Variants in GPD2 observed in about 807,000 individuals in gnomAD.
GPD2 encodes glycerol-3-phosphate dehydrogenase, mitochondrial.
GPD2 carries 54 observed loss-of-function variants against 82.4 expected under a neutral mutation model. The observed-to-expected ratio is 0.66, with a 90% CI of 0.53 to 0.82. The LOEUF is 0.82. Among genes scored for constraint, GPD2 ranks in the 40% least tolerant of loss-of-function variants. The pLI, the probability that GPD2 is intolerant of heterozygous loss-of-function variation, is 0.00. For synonymous variants in GPD2, 288 were observed against 306.1 expected, an observed-to-expected ratio of 0.94 and a Z score of 0.62; for missense variants, 748 against 896.2, an observed-to-expected ratio of 0.83 and a Z score of 2.11.
At chr2:156,491,145 T>G (rs1684161012) in intron 2 of GPD2, among the ~76,000 whole-genome samples, 1 of 152,212 alleles carries the variant, frequency 6.6e-6, no homozygotes, top group South Asian at 2.1e-4. Flanking sequence ...TGATCTGTTT[T>G]CAGATTCTGT....
chr2:156,445,061 T>C (rs1037619717), intron 1 of GPD2, among the ~76,000 whole-genome samples: 1 of 152,238 alleles, frequency 6.6e-6, no homozygotes, highest in Non-Finnish European at 1.5e-5. Context: ...ATTCACAGAA[T>C]TTTAAAATAG....
chr2:156,488,495 A>G (rs952790527), intron 2 of GPD2, among the ~76,000 whole-genome samples: 3 of 152,218 alleles, frequency 2.0e-5, no homozygotes, highest in African/African-American at 7.2e-5. Flanking sequence ...ATTACTGTAC[A>G]TGATTACAGG....
intron 6 of GPD2, among the ~76,000 whole-genome samples, chr2:156,530,720 T>A (rs546049146): frequency 6.6e-6 from 1 of 152,354 alleles, no homozygotes; most frequent in African/African-American, 2.4e-5. Flanking sequence ...TCTGTTTATA[T>A]GCTGGATTAC....
intron 3 of GPD2, among the ~76,000 whole-genome samples, chr2:156,505,195 G>A (rs889290981): frequency 6.6e-6 from 1 of 152,076 alleles, no homozygotes; most frequent in African/African-American, 2.4e-5. Flanking sequence ...AAAAGACAAA[G>A]CTGTAAAGAG....
At chr2:156,502,337 A>G (rs1684616295) in intron 3 of GPD2, among the ~76,000 whole-genome samples, 1 of 152,222 alleles carries the variant, frequency 6.6e-6, no homozygotes, top group South Asian at 2.1e-4. Flanking sequence ...TATCCATGGC[A>G]AAAGATGTAA....
chr2:156,565,029 C>T (rs1687330295), intron 9 of GPD2, among the ~76,000 whole-genome samples: 1 of 152,102 alleles, frequency 6.6e-6, no homozygotes, highest in African/African-American at 2.4e-5. Flanking sequence ...GTTTCAGTTT[C>T]AGACAATACA....
At chr2:156,451,286 CG>C (rs990138669) in intron 1 of GPD2, among the ~76,000 whole-genome samples, 4 of 142,764 alleles carry the variant, frequency 2.8e-5, no homozygotes, top group Non-Finnish European at 6.4e-5. Context: ...GCTGGCAGGG[CG>C]GGGGGCTGAC....
intron 4 of GPD2, among the ~76,000 whole-genome samples, chr2:156,511,172 A>G (rs1159038279): frequency 1.3e-5 from 2 of 152,224 alleles, no homozygotes; most frequent in East Asian, 3.8e-4. Context: ...TCACTTTTGA[A>G]TGTGTTGCCT....
At position 156,443,965 on chromosome 2, in the gene GPD2, A is replaced by G. The variant is rs1051227270; in HGVS notation, c.-9+7452A>G. 2.0e-5 allele frequency among the ~76,000 whole-genome samples: 3 copies of G among 152,342 alleles called. No individual in the cohort carries two copies. The East Asian group carries it at 5.8e-4, about 29-fold the overall frequency. On this transcript the variant is annotated intron_variant, in intron 1 of 16. Coordinates refer to ENST00000438166, the MANE Select transcript of GPD2 (RefSeq NM_000408.5). ...GGACCATTTATGTGGGCTAGGTCAA[A>G]GGTGGGCAGTGCCTACTTCTGAGCA...
At chr2:156,402,352 A>G in the GPD2 span, among the ~76,000 whole-genome samples, 2 of 152,350 alleles carry the variant, frequency 1.3e-5, no homozygotes, top group South Asian at 4.1e-4. Flanking sequence ...GTGTGTGGGT[A>G]AAGAGCAAAA....
At chr2:156,571,357 G>A (rs1047042248) in intron 13 of GPD2, 65 bp downstream of exon 13, 28 of 1,004,020 alleles carry the variant, frequency 2.8e-5, no homozygotes, top group Non-Finnish European at 3.7e-5. Context: ...TAATTTGTTA[G>A]TAGAAGCTAG....
intron 2 of GPD2, among the ~76,000 whole-genome samples, chr2:156,477,465 T>C (rs1192382960): frequency 2.0e-5 from 3 of 151,984 alleles, no homozygotes; most frequent in African/African-American, 7.3e-5. Context: ...TAAAATCACA[T>C]ATTAGGAAGA....
chr2:156,456,323 G>A (rs1682786262), intron 1 of GPD2, among the ~76,000 whole-genome samples: 1 of 152,068 alleles, frequency 6.6e-6, no homozygotes, highest in Admixed American at 6.6e-5. Context: ...GTCTTCTTGG[G>A]CCAGGCGCGG....
At chr2:156,525,274 C>A (rs1685561515) in intron 6 of GPD2, among the ~76,000 whole-genome samples, 1 of 152,200 alleles carries the variant, frequency 6.6e-6, no homozygotes, top group Non-Finnish European at 1.5e-5. Flanking sequence ...GCACTTCCTG[C>A]AGTTGGCCCC....
intron 6 of GPD2, among the ~76,000 whole-genome samples, chr2:156,522,393 T>C (rs905404157): frequency 1.3e-5 from 2 of 152,222 alleles, no homozygotes; most frequent in African/African-American, 4.8e-5. Flanking sequence ...GTAGGATGTA[T>C]GTAAGTTGTT....
At chr2:156,564,001 T>G (rs1220106997) in intron 9 of GPD2, among the ~76,000 whole-genome samples, 1 of 152,200 alleles carries the variant, frequency 6.6e-6, no homozygotes, top group Non-Finnish European at 1.5e-5. Context: ...TGTCTCCATC[T>G]CTGCAGTAAA....
chr2:156,460,415 G>T (rs1240388258), intron 1 of GPD2, among the ~76,000 whole-genome samples: 1 of 152,140 alleles, frequency 6.6e-6, no homozygotes, highest in Non-Finnish European at 1.5e-5. Flanking sequence ...ATGGGGATAG[G>T]CCAGGCATCC....
At chr2:156,518,990 C>T (rs543921994) in intron 6 of GPD2, among the ~76,000 whole-genome samples, 6 of 152,304 alleles carry the variant, frequency 3.9e-5, no homozygotes, top group Admixed American at 2.6e-4. Context: ...ATGTGAGCCT[C>T]ATGAGGTGCA....
At chr2:156,495,916 G>A in intron 2 of GPD2, 128 bp from the exon 3 acceptor site, 1 of 703,528 alleles carries the variant, frequency 1.4e-6, no homozygotes, top group East Asian at 2.7e-5. Flanking sequence ...ATAACTCTAT[G>A]TGGACTGTGG....
Sources: gnomAD v4.1 joint callset for allele counts (sites outside exome capture counted in the v4.1 genomes callset) on GRCh38, gnomAD v4.1.1 for gene constraint, MANE v1.5 for transcripts, NCBI Gene and HGNC (gene_info 2026-07-23, HGNC 2026-07-21) for gene names.